The following FDFT1 variants were observed in gnomAD, a reference collection of about 807,000 sequenced individuals.
The protein encoded by FDFT1 is squalene synthase.
A neutral mutation model predicts 46.8 loss-of-function variants in FDFT1; 68 were observed. The ratio of observed to expected loss-of-function variants is 1.45; its 90% CI spans 1.19 to 1.78. The LOEUF (loss-of-function observed/expected upper bound fraction) is 1.78. Ranked by LOEUF, FDFT1 falls within the 40% of genes most tolerant of loss-of-function variation. FDFT1 has a pLI of 0.00. For synonymous variants in FDFT1, 351 were observed against 185.1 expected (o/e 1.90, Z -7.28); for missense variants, 928 against 524.4 (o/e 1.77, Z -7.52).
intron 1 of FDFT1, chr8:11,808,303 G>T: frequency 1.6e-6 from 2 of 1,226,632 alleles, no homozygotes; most frequent in Non-Finnish European, 1.0e-6. Flanking sequence ...TTCCCTTAGC[G>T]GCCAGTGGGT....
upstream of FDFT1, chr8:11,802,647 C>G (rs946063455): frequency 6.6e-6 from 4 of 603,146 alleles, no homozygotes; most frequent in African/African-American, 1.9e-5. Flanking sequence ...GAGGCCGCAG[C>G]TAGCCCCGCT....
In FDFT1 at chr8:11,809,518, C is replaced by A. The variant is rs143192147; in HGVS notation, c.198-149C>A. 362 of 1,310,952 alleles carry A rather than the reference C, an allele frequency of 2.8e-4. 2 individuals carry two copies. The African/African-American group carries it at 4.8e-3, about 17-fold the overall frequency. 81.2% of individuals were successfully genotyped at this position (1,310,952 alleles called of 1,614,324 possible). A position where few individuals can be genotyped will look rare whatever the true frequency, so the allele number is the denominator to read the frequency against. On this transcript the variant is annotated intron_variant, in intron 2 of 7. Transcript: ENST00000220584. The stretch of plus-strand genomic sequence containing the variant: ...AAGGAAGGAAAACTAATGTAACTTT[C>A]GTTAAGTATGAAAAGCGTTGGATAT...
At chr8:11,827,003 T>C (rs1810085615) in intron 5 of FDFT1, among the ~76,000 whole-genome samples, 1 of 152,170 alleles carries the variant, frequency 6.6e-6, no homozygotes, top group African/African-American at 2.4e-5. Context: ...CAGGTGTCTG[T>C]AATAAGGGAC....
chr8:11,803,153 T>C, intron 1 of FDFT1: 7 of 1,425,872 alleles, frequency 4.9e-6, no homozygotes, highest in South Asian at 4.2e-5. Context: ...GCCCTGGGCA[T>C]GAGCGACTTT....
In FDFT1 at chr8:11,831,580, GA is replaced by G; in HGVS notation, c.944del (p.Lys315ArgfsTer8). 1 of 1,614,120 alleles carries G rather than the reference GA, an allele frequency of 6.2e-7. No individual in the cohort carries two copies. Among genetic ancestry groups the G allele is most frequent in the East Asian group, 2.2e-5 (1 of 44,872 alleles). ...NNQQVFKGAV[K>X]IRKGQAVTLM... ...ACCAGCAGGTGTTCAAAGGGGCAGTGAAGATTCGGAAAGGGCAAGCAGTGAC... is the reference window on the plus strand; with the variant it reads ...ACCAGCAGGTGTTCAAAGGGGCAGTGAGATTCGGAAAGGGCAAGCAGTGAC... On this transcript the variant is annotated frameshift_variant, in exon 7 of 8. Coordinates refer to ENST00000220584, the MANE Select transcript of FDFT1 (RefSeq NM_004462.5). LOFTEE classifies it high-confidence loss of function.
intron 1 of FDFT1, among the ~76,000 whole-genome samples, chr8:11,807,295 T>G (rs1032069328): frequency 6.6e-6 from 1 of 152,088 alleles, no homozygotes; most frequent in African/African-American, 2.4e-5. Flanking sequence ...AGACTATAGG[T>G]GGGCGCCACC....
upstream of FDFT1, among the ~76,000 whole-genome samples, chr8:11,801,423 G>T (rs964209082): frequency 6.6e-6 from 1 of 152,204 alleles, no homozygotes; most frequent in Non-Finnish European, 1.5e-5. Context: ...GTGTTCAAGC[G>T]ATTCTCCTGC....
chr8:11,799,863 T>C (rs1029264563), upstream of FDFT1, among the ~76,000 whole-genome samples: 8 of 150,936 alleles, frequency 5.3e-5, no homozygotes, highest in Admixed American at 5.3e-4. Flanking sequence ...GGAGACTCAC[T>C]TGAACCTGGG....
At chr8:11,827,539 G>A (rs62494618) in intron 5 of FDFT1, among the ~76,000 whole-genome samples, 3 of 151,316 alleles carry the variant, frequency 2.0e-5, no homozygotes, top group Non-Finnish European at 4.4e-5. Flanking sequence ...AGTGACAGAG[G>A]GAAACAATAT....
At chr8:11,797,183 C>T (rs1417488984) in intron 1 of FDFT1, among the ~76,000 whole-genome samples, 2 of 152,320 alleles carry the variant, frequency 1.3e-5, no homozygotes, top group East Asian at 1.9e-4. Flanking sequence ...TTAGCTAGTC[C>T]TCAATTTGGT....
At chr8:11,832,710 T>G (rs1184611536) in intron 7 of FDFT1, among the ~76,000 whole-genome samples, 1 of 152,076 alleles carries the variant, frequency 6.6e-6, no homozygotes. Context: ...TTGATTGTCC[T>G]AACCGGCAGG....
chr8:11,799,943 T>TTA (rs750815996), upstream of FDFT1, among the ~76,000 whole-genome samples: 4 of 130,970 alleles, frequency 3.1e-5, no homozygotes, highest in East Asian at 9.4e-4. Flanking sequence ...AGACTCCATT[T>TTA]AAAAAAAAAA....
chr8:11,839,135 A>C lies in FDFT1; in HGVS notation c.*526A>C, dbSNP rs1811979304. On this transcript the variant is annotated 3_prime_UTR_variant, in exon 8 of 8. Coordinates refer to ENST00000220584, the MANE Select transcript of FDFT1 (RefSeq NM_004462.5). The stretch of plus-strand genomic sequence containing the variant: ...TAAGAATGCAAACTGCCTTTTCCAC[A>C]CAAAGGCTGGGAATAAAATTCTGGG... 6.5e-6 allele frequency: 1 copy of C among 154,896 alleles called. No individual in the cohort carries two copies. The highest frequency in any genetic ancestry group is 1.4e-5 in the Non-Finnish European group (1 of 69,494). 9.6% of individuals were successfully genotyped at this position (154,896 alleles called of 1,614,324 possible).
chr8:11,802,134 C>G (rs1385268858), upstream of FDFT1: 2 of 453,898 alleles, frequency 4.4e-6, no homozygotes, highest in Non-Finnish European at 8.8e-6. Flanking sequence ...AGCTGAAGCT[C>G]CAGGAGTGTG....
At chr8:11,799,753 C>T (rs997100138), upstream of FDFT1, among the ~76,000 whole-genome samples, 1 of 151,946 alleles carries the variant, frequency 6.6e-6, no homozygotes, top group Non-Finnish European at 1.5e-5. Context: ...TGAGACCATC[C>T]TAACCAACAT....
At chr8:11,812,146 C>G (rs1807803990) in intron 3 of FDFT1, among the ~76,000 whole-genome samples, 1 of 152,164 alleles carries the variant, frequency 6.6e-6, no homozygotes, top group Non-Finnish European at 1.5e-5. Flanking sequence ...CCCTCACTCC[C>G]AAAGGGGTGA....
At chr8:11,812,839 G>C (rs1807925446) in intron 3 of FDFT1, among the ~76,000 whole-genome samples, 1 of 152,186 alleles carries the variant, frequency 6.6e-6, no homozygotes, top group African/African-American at 2.4e-5. Context: ...GTTCAAGTCA[G>C]GCTTTCTAGA....
intron 1 of FDFT1, chr8:11,808,535 C>T (rs1807211008): frequency 5.2e-6 from 7 of 1,333,938 alleles, no homozygotes; most frequent in South Asian, 2.1e-5. Context: ...CAGCCGCCTG[C>T]GGCACCAAGG....
At chr8:11,809,410 A>T (rs1489874817) in intron 2 of FDFT1, 5 of 1,218,542 alleles carry the variant, frequency 4.1e-6, no homozygotes, top group Non-Finnish European at 5.1e-6. Flanking sequence ...TACATTGGTT[A>T]AATGCAACTC....
Sources: gnomAD v4.1 joint callset for allele counts (sites outside exome capture counted in the v4.1 genomes callset) on GRCh38, gnomAD v4.1.1 for gene constraint, MANE v1.5 for transcripts, NCBI Gene and HGNC (gene_info 2026-07-23, HGNC 2026-07-21) for gene names.